DOCK11: variants seen among roughly 807,000 people sequenced by gnomAD.
The protein encoded by DOCK11 is dedicator of cytokinesis 11, also known as dedicator of cytokinesis protein 11.
In DOCK11, 70 loss-of-function variants were observed where a neutral mutation model predicts 169.1. That is an observed-to-expected ratio of 0.41 (90% CI 0.34 to 0.51). The LOEUF (loss-of-function observed/expected upper bound fraction) is 0.51, where lower values mean the gene tolerates loss of function less well. Ranked by LOEUF, DOCK11 falls within the 20% of genes least tolerant of loss-of-function variation. The pLI is 0.10. For synonymous variants in DOCK11, 529 were observed against 541.3 expected (o/e 0.98, Z 0.32); for missense variants, 1,166 against 1,538.8 (o/e 0.76, Z 4.05).
At chrX:118,571,574 T>A (rs1208295718) in intron 10 of DOCK11, among the ~76,000 whole-genome samples, 1 of 111,026 alleles carries the variant, frequency 9.0e-6, no homozygotes. Flanking sequence ...GGTCTCGAAC[T>A]CCTGGCCTCA....
intron 28 of DOCK11, among the ~76,000 whole-genome samples, chrX:118,611,944 C>T (rs987505420): frequency 1.8e-4 from 20 of 111,631 alleles, no homozygotes; most frequent in African/African-American, 6.2e-4. Flanking sequence ...AGGGGTTTGC[C>T]ATGTTGGCCT....
At chrX:118,617,968 T>A (rs1324311182) in intron 30 of DOCK11, among the ~76,000 whole-genome samples, 2 of 111,902 alleles carry the variant, frequency 1.8e-5, no homozygotes, top group East Asian at 2.8e-4. Context: ...ATATAAAATA[T>A]TTGTTTTTGA....
intron 28 of DOCK11, among the ~76,000 whole-genome samples, chrX:118,613,067 C>A (rs1362831525): frequency 8.9e-6 from 1 of 112,088 alleles, no homozygotes; most frequent in Non-Finnish European, 1.9e-5. Flanking sequence ...GTGTTGATCA[C>A]CCCTTCTGTT....
At chrX:118,507,754 C>T (rs774760245) in intron 1 of DOCK11, among the ~76,000 whole-genome samples, 1 of 112,086 alleles carries the variant, frequency 8.9e-6, no homozygotes, top group Admixed American at 9.5e-5. Context: ...CAGGTCACTA[C>T]TGAACACATA....
At chrX:118,512,059 G>A (rs758723474) in intron 1 of DOCK11, among the ~76,000 whole-genome samples, 10 of 111,856 alleles carry the variant, frequency 8.9e-5, no homozygotes, top group African/African-American at 1.3e-4. Context: ...GACTACAGGC[G>A]CACGCCGCCA....
chrX:118,662,537 A>C (rs2016240689), intron 44 of DOCK11, 149 bp from the exon 45 acceptor site: 1 of 404,648 alleles, frequency 2.5e-6, no homozygotes, highest in Non-Finnish European at 4.3e-6. Context: ...AACAAATTTA[A>C]AAATTTTTGT....
At chrX:118,501,116 T>A (rs1249983537) in intron 1 of DOCK11, among the ~76,000 whole-genome samples, 1 of 112,027 alleles carries the variant, frequency 8.9e-6, no homozygotes. Flanking sequence ...TCTAATTTTG[T>A]GCTGTTATAA....
At chrX:118,599,748 T>A (rs2014278682) in intron 23 of DOCK11, among the ~76,000 whole-genome samples, 2 of 112,707 alleles carry the variant, frequency 1.8e-5, no homozygotes, top group South Asian at 7.2e-4. Context: ...GTGCTAGGAC[T>A]ACAGTGCATA....
At chrX:118,596,271 A>G (rs953441056) in intron 20 of DOCK11, among the ~76,000 whole-genome samples, 1 of 112,368 alleles carries the variant, frequency 8.9e-6, no homozygotes, top group Non-Finnish European at 1.9e-5. Context: ...AGGTCTGGGT[A>G]AAGCATTTCT....
intron 31 of DOCK11, among the ~76,000 whole-genome samples, chrX:118,620,296 C>T (rs1189098788): frequency 2.7e-5 from 3 of 111,759 alleles, no homozygotes; most frequent in South Asian, 7.4e-4. Context: ...TTTCTTTTTA[C>T]ATTCCAATAT....
At chrX:118,562,067 G>A (rs2012929220) in intron 7 of DOCK11, among the ~76,000 whole-genome samples, 1 of 108,259 alleles carries the variant, frequency 9.2e-6, no homozygotes, top group Non-Finnish European at 1.9e-5. Flanking sequence ...ACAGGAGGCT[G>A]AGGCAGGAGA....
intron 40 of DOCK11, among the ~76,000 whole-genome samples, chrX:118,647,913 AATATT>A (rs1246692447): frequency 4.2e-5 from 2 of 47,518 alleles, no homozygotes; most frequent in African/African-American, 1.8e-4. Flanking sequence ...TATATATTAT[AATATT>A]ATATATAATA....
At chrX:118,535,006 G>A (rs2011703717) in intron 1 of DOCK11, among the ~76,000 whole-genome samples, 2 of 112,033 alleles carry the variant, frequency 1.8e-5, no homozygotes, top group Non-Finnish European at 3.8e-5. Context: ...GGAATGCAAA[G>A]ATCCTTATCC....
chrX:118,511,561 C>T (rs1202762545), intron 1 of DOCK11, among the ~76,000 whole-genome samples: 1 of 111,489 alleles, frequency 9.0e-6, no homozygotes, highest in Non-Finnish European at 1.9e-5. Flanking sequence ...TTTTATTTTG[C>T]GATTTACTAC....
intron 6 of DOCK11, among the ~76,000 whole-genome samples, chrX:118,554,755 A>G (rs1196675417): frequency 1.8e-5 from 2 of 111,365 alleles, no homozygotes; most frequent in Non-Finnish European, 3.8e-5. Context: ...CAATATGTAT[A>G]AGGCAGAATG....
At chrX:118,510,618 C>CG (rs1176859794) in intron 1 of DOCK11, among the ~76,000 whole-genome samples, 1 of 110,701 alleles carries the variant, frequency 9.0e-6, no homozygotes, top group Non-Finnish European at 1.9e-5. Flanking sequence ...ATGTGTGTGG[C>CG]GGGGGGTCAG....
At chrX:118,505,248 A>G (rs2057603380) in intron 1 of DOCK11, among the ~76,000 whole-genome samples, 1 of 111,950 alleles carries the variant, frequency 8.9e-6, no homozygotes, top group African/African-American at 3.2e-5. Flanking sequence ...GCTGGTCTCG[A>G]ACTCCTGACC....
chrX:118,617,230 G>A (rs1040909248), intron 30 of DOCK11, among the ~76,000 whole-genome samples: 6 of 111,686 alleles, frequency 5.4e-5, no homozygotes, highest in East Asian at 5.6e-4. Flanking sequence ...GATGGCTAAC[G>A]TCTGTAATCC....
chrX:118,540,439 A>G lies in DOCK11; in HGVS notation c.103-2286A>G, dbSNP rs750795709. ...GAAAGGGGTCAGATTTTTCTGTCAG[A>G]AAATCTGAATTTCTCAAATAGGATT... On this transcript the variant is annotated intron_variant, in intron 1 of 52. Coordinates refer to ENST00000276202, the MANE Select transcript of DOCK11 (RefSeq NM_144658.4). Among the ~76,000 whole-genome samples, 3 of 111,778 alleles carry G rather than the reference A, an allele frequency of 2.7e-5. No individual in the cohort carries two copies. In the East Asian group the frequency reaches 8.4e-4, roughly 31 times the overall value.
Sources: allele counts gnomAD v4.1 joint callset (sites outside exome capture counted in the v4.1 genomes callset), GRCh38; gene constraint gnomAD v4.1.1; transcripts MANE v1.5; gene names NCBI Gene and HGNC (gene_info 2026-07-23, HGNC 2026-07-21).